SRARP: variants seen among roughly 807,000 people sequenced by gnomAD.
The protein encoded by SRARP is steroid receptor associated and regulated protein, also known as steroid receptor-associated and regulated protein.
In SRARP, 5 loss-of-function variants were observed where a neutral mutation model predicts 3.6. The ratio of observed to expected loss-of-function variants is 1.39; its 90% CI spans 0.73 to 2.93. The LOEUF is 2.93. Among genes scored for constraint, SRARP ranks in the 30% most tolerant of loss-of-function variants. SRARP has a pLI of 0.00. For missense variants in SRARP, 215 were observed against 216.7 expected (o/e 0.99, Z 0.05); for synonymous variants, 96 against 91.6 (o/e 1.05, Z -0.27).
In SRARP at chr1:16,005,628, C is replaced by A. The variant is rs532783882; in HGVS notation, c.83-291C>A. Among the ~76,000 whole-genome samples the A allele has an allele frequency of 1.1e-4, 17 of 152,338 alleles. No individual in the cohort carries two copies. In the East Asian group the frequency reaches 3.1e-3, roughly 28 times the overall value. On this transcript the variant is annotated intron_variant, in intron 1 of 1. Coordinates refer to ENST00000329454, the MANE Select transcript of SRARP (RefSeq NM_178840.4). ...GTGGCTCACGCCTGCAATTCCAGTA[C>A]TGATTGGGCTGAGGCAGAAGGATTT...
chr1:16,004,630 C>A (rs1315173447), intron 1 of SRARP, among the ~76,000 whole-genome samples: 5 of 145,272 alleles, frequency 3.4e-5, no homozygotes, highest in Non-Finnish European at 6.0e-5. Flanking sequence ...AGGAGAATCG[C>A]TTGAACCCAG....
rs1179591535 is a variant in SRARP at position 16,004,311 on chromosome 1, C to T, written c.8C>T (p.Pro3Leu). The T allele has an allele frequency of 4.4e-6, 7 of 1,603,038 alleles. No individual in the cohort carries two copies. The highest frequency in any genetic ancestry group is 3.4e-5 in the Admixed American group (2 of 58,150). Residue 3 changes from proline (P) to leucine (L), a missense_variant, in exon 1 of 2, where the codon CCG becomes CTG. By Grantham distance (98) the Pro-to-Leu change is moderately conservative. Transcript: ENST00000329454. ...AGGCGCCGAAGTAGCCGCATGGCCC[C>T]GTCAGAAGACCCCAGGGACTGGAGA... MAPSEDPRDWRAN... is the reference protein window; with the variant it reads MALSEDPRDWRAN...
intron 1 of SRARP, among the ~76,000 whole-genome samples, chr1:16,005,455 G>A (rs2073121917): frequency 6.6e-6 from 1 of 152,180 alleles, no homozygotes; most frequent in African/African-American, 2.4e-5. Flanking sequence ...GATGGTAAGT[G>A]GAGACTTGAA....
Position 16,008,235 on chromosome 1 carries a change from G to C in SRARP, c.*1889G>C, listed in dbSNP as rs879309938. 6.6e-6 allele frequency: 1 copy of C among 152,176 alleles called. No individual in the cohort carries two copies. The highest frequency in any genetic ancestry group is 1.5e-5 in the Non-Finnish European group (1 of 68,064). The allele number at this position is 152,176 out of a possible 1,614,324, so 9.4% of individuals were successfully genotyped here. On this transcript the variant is annotated 3_prime_UTR_variant, in exon 2 of 2. Transcript: ENST00000329454. Reference sequence around the variant, plus strand: ...GTGATGCCGAAAATGAGATCTGACCGGTGACTAAGCTATACAAAAGGGTGG... The same window carrying C: ...GTGATGCCGAAAATGAGATCTGACCCGTGACTAAGCTATACAAAAGGGTGG...
rs189654719 is a variant in SRARP at position 16,006,666 on chromosome 1, A to G, written c.*320A>G. 85 of 274,504 alleles carry G rather than the reference A, an allele frequency of 3.1e-4. 1 individual carries two copies. In the East Asian group the frequency reaches 5.4e-3, roughly 17 times the overall value. The allele number at this position is 274,504 out of a possible 1,614,324, so 17.0% of individuals were successfully genotyped here. A position where few individuals can be genotyped will look rare whatever the true frequency, so the allele number is the denominator to read the frequency against. ...CACCCTGAATAAATAAAGTAACCCA[A>G]TAAATAAAGAAGATGATTTTGAACA... is the stretch of plus-strand genomic sequence containing the variant. On this transcript the variant is annotated 3_prime_UTR_variant, in exon 2 of 2. Transcript: ENST00000329454.
At position 16,008,141 on chromosome 1, in the gene SRARP, A is replaced by T. The variant is rs2073140269; in HGVS notation, c.*1795A>T. 1 of 152,232 alleles carries T rather than the reference A, an allele frequency of 6.6e-6. No individual in the cohort carries two copies. Among genetic ancestry groups the T allele is most frequent in the Non-Finnish European group, 1.5e-5 (1 of 68,048 alleles). 9.4% of individuals were successfully genotyped at this position (152,232 alleles called of 1,614,324 possible). ...TGAGAAGTGCAACAGTAAGGGCAAC[A>T]CAGAATGATGCTGGAGGACAACCAG... On this transcript the variant is annotated 3_prime_UTR_variant, in exon 2 of 2. Coordinates refer to ENST00000329454, the MANE Select transcript of SRARP (RefSeq NM_178840.4).
At chr1:16,005,740 G>A (rs2073123390) in intron 1 of SRARP, among the ~76,000 whole-genome samples, 179 bp from the exon 2 acceptor site, 1 of 152,140 alleles carries the variant, frequency 6.6e-6, no homozygotes, top group African/African-American at 2.4e-5. Context: ...AGGCATGGTG[G>A]CATGAGCCTG....
At position 16,006,018 on chromosome 1, in the gene SRARP, C is replaced by A. The variant is rs2073125265; in HGVS notation, c.182C>A (p.Ala61Glu). ...HGKQLSLAATASPPQAPSPNR... is the reference protein window; with the variant it reads ...HGKQLSLAATESPPQAPSPNR... The stretch of plus-strand genomic sequence containing the variant: ...AAGCAGCTCTCCCTGGCAGCAACCG[C>A]ATCACCACCCCAAGCCCCCAGTCCC... Residue 61 changes from alanine (A) to glutamate (E), a missense_variant, in exon 2 of 2, where the codon GCA (alanine) becomes GAA (glutamate). Coordinates refer to ENST00000329454, the MANE Select transcript of SRARP (RefSeq NM_178840.4). 2 of 1,613,794 alleles carry A rather than the reference C, an allele frequency of 1.2e-6. No individual in the cohort carries two copies. Among genetic ancestry groups the A allele is most frequent in the African/African-American group, 2.7e-5 (2 of 74,942 alleles).
At chr1:16,004,723 A>AG (rs1229929596) in intron 1 of SRARP, among the ~76,000 whole-genome samples, 3 of 149,528 alleles carry the variant, frequency 2.0e-5, no homozygotes, top group Non-Finnish European at 3.0e-5. Flanking sequence ...CAAAAAAAAA[A>AG]AAAAAAAAAA....
In SRARP at chr1:16,004,237, C is replaced by T; in HGVS notation, c.-67C>T. 3.6e-6 allele frequency: 5 copies of T among 1,381,522 alleles called. No homozygotes were observed. The highest frequency in any genetic ancestry group is 2.5e-5 in the East Asian group (1 of 40,216). 85.6% of individuals were successfully genotyped at this position (1,381,522 alleles called of 1,614,324 possible). ...GTCTGGTCCCGCAGTGGGGGAGCCA[C>T]ATCCTGGAAGAGTGGCCTAGGACAG... On this transcript the variant is annotated 5_prime_UTR_variant, in exon 1 of 2. Transcript: ENST00000329454.
In SRARP at chr1:16,005,988, A is replaced by T. The variant is rs774528086; in HGVS notation, c.152A>T (p.His51Leu). Residue 51 changes from histidine (H) to leucine (L), a missense_variant, in exon 2 of 2, where the codon CAC (histidine) becomes CTC (leucine). By Grantham distance (99) the His-to-Leu change is moderately conservative (BLOSUM62 -3). Transcript: ENST00000329454. Reference sequence around the variant, plus strand: ...CTGACTTTTGTTATTGACTGCACCCACGGGAAGCAGCTCTCCCTGGCAGCA... The same window carrying T: ...CTGACTTTTGTTATTGACTGCACCCTCGGGAAGCAGCTCTCCCTGGCAGCA... ...AHLTFVIDCT[H>L]GKQLSLAATA... The T allele has an allele frequency of 1.2e-6, 2 of 1,613,094 alleles. No homozygotes were observed. Among genetic ancestry groups the T allele is most frequent in the Non-Finnish European group, 1.7e-6 (2 of 1,179,678 alleles).
intron 1 of SRARP, among the ~76,000 whole-genome samples, chr1:16,004,978 A>T (rs74057527): frequency 0.07 from 10,704 of 152,262 alleles, 1,216 homozygotes; most frequent in African/African-American, 0.24. Context: ...TTGGATTCAG[A>T]TACAATTGCT....
chr1:16,007,731 T>C lies in SRARP; in HGVS notation c.*1385T>C, dbSNP rs1448154663. ...GATTATAGGTGTGAGCCACCGTATC[T>C]GGTCATTAATTTATTCAATGACTAT... On this transcript the variant is annotated 3_prime_UTR_variant, in exon 2 of 2. Coordinates refer to ENST00000329454, the MANE Select transcript of SRARP (RefSeq NM_178840.4). The C allele has an allele frequency of 2.0e-5, 3 of 152,230 alleles. No individual in the cohort carries two copies. The highest frequency in any genetic ancestry group is 6.5e-5 in the Admixed American group (1 of 15,274). The allele number at this position is 152,230 out of a possible 1,614,324, so 9.4% of individuals were successfully genotyped here.
intron 1 of SRARP, 57 bp from the exon 2 acceptor site, chr1:16,005,861 CA>C: frequency 1.4e-6 from 2 of 1,457,978 alleles, no homozygotes; most frequent in Non-Finnish European, 1.9e-6. Context: ...GACCCTGTCT[CA>C]GGGGAAAAGA....
At chr1:16,004,876 GC>G in intron 1 of SRARP, among the ~76,000 whole-genome samples, 1 of 152,128 alleles carries the variant, frequency 6.6e-6, no homozygotes. Flanking sequence ...TTCCTTCTGA[GC>G]CCACGTCGTG....
At position 16,005,034 on chromosome 1, in the gene SRARP, C is replaced by T. The variant is rs2073119184; in HGVS notation, c.82+649C>T. 2.0e-5 allele frequency among the ~76,000 whole-genome samples: 3 copies of T among 152,180 alleles called. No individual in the cohort carries two copies. In the South Asian group the frequency reaches 6.2e-4, roughly 31 times the overall value. On this transcript the variant is annotated intron_variant, in intron 1 of 1. Coordinates refer to ENST00000329454, the MANE Select transcript of SRARP (RefSeq NM_178840.4). Reference sequence around the variant, plus strand: ...AAGTCTATTGGCTGGTTTGTCCATCCCTCTACCCTGTGCTGGGCTCTGAGC... The same window carrying T: ...AAGTCTATTGGCTGGTTTGTCCATCTCTCTACCCTGTGCTGGGCTCTGAGC...
rs2073134659 is a variant in SRARP, at chr1:16,007,220, C to T, written c.*874C>T. On this transcript the variant is annotated 3_prime_UTR_variant, in exon 2 of 2. Coordinates refer to ENST00000329454, the MANE Select transcript of SRARP (RefSeq NM_178840.4). ...TTATTTATTGAGCATCTACTGCATA[C>T]CAGGCTCATGCTGCCCTCTAGGGAT... The T allele has an allele frequency of 6.7e-6, 1 of 150,044 alleles. No homozygotes were observed. The highest frequency in any genetic ancestry group is 1.5e-5 in the Non-Finnish European group (1 of 67,772). The allele number at this position is 150,044 out of a possible 1,614,324, so 9.3% of individuals were successfully genotyped here.
chr1:16,004,423 A>C, intron 1 of SRARP, 38 bp downstream of exon 1: 2 of 1,517,664 alleles, frequency 1.3e-6, no homozygotes, highest in Non-Finnish European at 1.8e-6. Context: ...CCACAGAAAC[A>C]CCAGCTGGGG....
chr1:16,006,587 C>A lies in SRARP; in HGVS notation c.*241C>A. On this transcript the variant is annotated 3_prime_UTR_variant, in exon 2 of 2. Coordinates refer to ENST00000329454, the MANE Select transcript of SRARP (RefSeq NM_178840.4). The stretch of plus-strand genomic sequence containing the variant: ...TCCACATGCCAGGCCCTGCAAAGTG[C>A]TGGGGAGATACCATGGTTTTCCTGG... 2.2e-6 allele frequency: 1 copy of A among 460,894 alleles called. No homozygotes were observed. Among genetic ancestry groups the A allele is most frequent in the Non-Finnish European group, 3.8e-6 (1 of 265,426 alleles). The allele number at this position is 460,894 out of a possible 1,614,324, so 28.6% of individuals were successfully genotyped here.
Sources: gnomAD v4.1 joint callset for allele counts (sites outside exome capture counted in the v4.1 genomes callset) on GRCh38, gnomAD v4.1.1 for gene constraint, MANE v1.5 for transcripts, NCBI Gene and HGNC (gene_info 2026-07-23, HGNC 2026-07-21) for gene names.